The following LRRC7 variants were observed in gnomAD, a reference collection of about 807,000 sequenced individuals.
LRRC7 encodes the protein leucine rich repeat containing 7, also known as leucine-rich repeat-containing protein 7.
In LRRC7, 23 loss-of-function variants were observed where a neutral mutation model predicts 175.7. That is an observed-to-expected ratio of 0.13 (90% CI 0.09 to 0.19). LRRC7 has a LOEUF of 0.19. Among genes scored for constraint, LRRC7 ranks in the 10% least tolerant of loss-of-function variants. The pLI is 1.00. For synonymous variants in LRRC7, 685 were observed against 680.9 expected (o/e 1.01, Z -0.09); for missense variants, 1,354 against 1,904.7 (o/e 0.71, Z 5.38).
intron 2 of LRRC7, among the ~76,000 whole-genome samples, chr1:69,721,904 A>C (rs550215242): frequency 1.3e-5 from 2 of 152,012 alleles, no homozygotes; most frequent in African/African-American, 4.8e-5. Context: ...TTTTAAGTGT[A>C]TACTTCAGTG....
At chr1:69,739,329 A>G (rs1668459644) in intron 2 of LRRC7, among the ~76,000 whole-genome samples, 1 of 152,086 alleles carries the variant, frequency 6.6e-6, no homozygotes, top group Admixed American at 6.6e-5. Flanking sequence ...GGGTGAGCAC[A>G]ATAATTAAAT....
At chr1:70,014,118 G>C (rs765928743) in intron 13 of LRRC7, 4 of 151,932 alleles carry the variant, frequency 2.6e-5, no homozygotes, top group African/African-American at 4.8e-5. Context: ...AACCAACCTT[G>C]CTTCCTCTTC....
chr1:69,853,709 G>A (rs1683277654), intron 7 of LRRC7, among the ~76,000 whole-genome samples: 1 of 152,336 alleles, frequency 6.6e-6, no homozygotes, highest in African/African-American at 2.4e-5. Flanking sequence ...TCAGCAAATG[G>A]TAGGAGAAAA....
intron 3 of LRRC7, among the ~76,000 whole-genome samples, chr1:69,781,751 GAGAGAGAGAGAGAGAAAGAA>G (rs1673627519): frequency 4.6e-5 from 2 of 43,930 alleles, no homozygotes. Context: ...GAGAGAGAGA[GAGAGAGAGAGAGAGAAAGAA>G]AGAAAGAAAG....
At chr1:70,016,556 T>A (rs746717859) in intron 14 of LRRC7, 22 bp downstream of exon 14, 1 of 1,523,276 alleles carries the variant, frequency 6.6e-7, no homozygotes, top group East Asian at 2.4e-5. Context: ...TATTGCCTGA[T>A]TTATTTATTA....
intron 2 of LRRC7, among the ~76,000 whole-genome samples, chr1:69,734,479 A>G (rs1327284638): frequency 1.3e-5 from 2 of 151,968 alleles, no homozygotes; most frequent in African/African-American, 2.4e-5. Context: ...CCAGTGTACT[A>G]ATATAAACAA....
At chr1:69,807,627 G>A (rs899400292) in intron 4 of LRRC7, among the ~76,000 whole-genome samples, 7 of 151,986 alleles carry the variant, frequency 4.6e-5, no homozygotes, top group South Asian at 2.1e-4. Context: ...TATTGCCCCC[G>A]ACTCTCTTCT....
chr1:69,774,969 G>C (rs1269268623), intron 3 of LRRC7, among the ~76,000 whole-genome samples: 6 of 152,152 alleles, frequency 3.9e-5, no homozygotes, highest in Non-Finnish European at 8.8e-5. Context: ...CTCTGGAAGA[G>C]AGATTGCGGG....
At chr1:69,974,823 C>T (rs944333319) in intron 8 of LRRC7, among the ~76,000 whole-genome samples, 1 of 152,052 alleles carries the variant, frequency 6.6e-6, no homozygotes, top group Non-Finnish European at 1.5e-5. Flanking sequence ...CAAGCATATG[C>T]TTTACTTTAT....
chr1:69,784,709 A>C (rs901146451), intron 3 of LRRC7, among the ~76,000 whole-genome samples: 2 of 152,214 alleles, frequency 1.3e-5, no homozygotes, highest in Non-Finnish European at 2.9e-5. Context: ...ATTTAAGGCT[A>C]CACATTTACT....
intron 2 of LRRC7, among the ~76,000 whole-genome samples, chr1:69,754,254 C>T (rs1334018747): frequency 6.6e-6 from 1 of 152,042 alleles, no homozygotes; most frequent in Non-Finnish European, 1.5e-5. Flanking sequence ...TCTAGCTACA[C>T]TGTGGAGTGA....
intron 18 of LRRC7, among the ~76,000 whole-genome samples, chr1:70,033,663 T>G (rs1181971776): frequency 6.6e-6 from 1 of 152,080 alleles, no homozygotes; most frequent in Non-Finnish European, 1.5e-5. Flanking sequence ...TGAACCTGAG[T>G]CAAACCAGAG....
Position 70,121,849 on chromosome 1 carries a change from A to G in LRRC7, c.4690A>G (p.Thr1564Ala). The G allele has an allele frequency of 6.2e-7, 1 of 1,611,828 alleles. No homozygotes were observed. The highest frequency in any genetic ancestry group is 1.3e-5 in the African/African-American group (1 of 75,012). ...ATTACTACTGAAGAGTTTCCAGAACACAGTAGACCTAGTTATTCAACGTGA... is the reference window on the plus strand; with the variant it reads ...ATTACTACTGAAGAGTTTCCAGAACGCAGTAGACCTAGTTATTCAACGTGA... ...AVLLLKSFQNTVDLVIQRELT... is the reference protein window; with the variant it reads ...AVLLLKSFQNAVDLVIQRELT... The change falls in exon 27 of 27, where the codon ACA becomes GCA. Residue 1564 changes from threonine to alanine, a missense_variant. Thr to Ala is a moderately conservative substitution (Grantham distance 58, BLOSUM62 0). Around this residue, in one of 4 missense-constraint regions of LRRC7, gnomAD observed 53 missense variants for 112.6 expected, o/e 0.47. Transcript: ENST00000651989.
chr1:69,718,607 C>CA (rs1303587007), intron 2 of LRRC7, among the ~76,000 whole-genome samples: 2 of 150,880 alleles, frequency 1.3e-5, no homozygotes, highest in Non-Finnish European at 3.0e-5. Context: ...TTTTATCAGG[C>CA]AAAAAAACAT....
chr1:69,982,478 TATC>T (rs1409670140), intron 9 of LRRC7, among the ~76,000 whole-genome samples: 4 of 152,196 alleles, frequency 2.6e-5, no homozygotes, highest in Non-Finnish European at 5.9e-5. Flanking sequence ...AAACATTTAA[TATC>T]ATTAGCCATG....
intron 1 of LRRC7, among the ~76,000 whole-genome samples, chr1:69,630,332 A>C (rs542565578): frequency 6.6e-6 from 1 of 152,292 alleles, no homozygotes; most frequent in East Asian, 1.9e-4. Context: ...AAACAATAGT[A>C]AAATTAGCAC....
chr1:69,585,510 A>G (rs1259892032), intron 1 of LRRC7, among the ~76,000 whole-genome samples: 1 of 152,208 alleles, frequency 6.6e-6, no homozygotes, highest in Non-Finnish European at 1.5e-5. Context: ...ATCAGGCTAG[A>G]TGAAATGCAA....
intron 7 of LRRC7, among the ~76,000 whole-genome samples, chr1:69,899,345 G>A (rs989161509): frequency 2.0e-5 from 3 of 152,196 alleles, no homozygotes; most frequent in African/African-American, 4.8e-5. Flanking sequence ...TTCGCTGTCA[G>A]AGATGCTCTT....
chr1:69,931,482 T>C (rs748853110), intron 7 of LRRC7, 25 bp from the exon 8 acceptor site: 27 of 1,595,116 alleles, frequency 1.7e-5, no homozygotes, highest in East Asian at 2.2e-5. Context: ...TACCTCACAA[T>C]AGTATTTTTC....
Sources: allele counts gnomAD v4.1 joint callset (sites outside exome capture counted in the v4.1 genomes callset), GRCh38; gene constraint gnomAD v4.1.1; regional missense constraint gnomAD v4.1.1; transcripts MANE v1.5; gene names NCBI Gene and HGNC (gene_info 2026-07-23, HGNC 2026-07-21).